Variants in OR10H1 observed in about 807,000 individuals in gnomAD.
OR10H1 encodes the protein olfactory receptor family 10 subfamily H member 1.
A neutral mutation model predicts 13.1 loss-of-function variants in OR10H1; 12 were observed. That is an observed-to-expected ratio of 0.92 (90% confidence interval 0.59 to 1.48). The LOEUF (loss-of-function observed/expected upper bound fraction) is 1.48. Among genes scored for constraint, OR10H1 ranks in the 40% most tolerant of loss-of-function variants. The probability of loss-of-function intolerance (pLI) is 0.00; values close to 1 mark genes in which losing one functional copy is unlikely to be tolerated. For synonymous variants in OR10H1, 168 were observed against 175.6 expected, an observed-to-expected ratio of 0.96 and a Z score of 0.34; for missense variants, 363 against 413.1, an observed-to-expected ratio of 0.88 and a Z score of 1.05.
chr19:15,810,021 G>A (rs2088924530), intron 2 of OR10H1, among the ~76,000 whole-genome samples: 1 of 152,122 alleles, frequency 6.6e-6, no homozygotes, highest in Non-Finnish European at 1.5e-5. Context: ...GTGACCAGGT[G>A]CAGTGGCTCA....
intron 2 of OR10H1, among the ~76,000 whole-genome samples, chr19:15,809,391 A>C (rs2088920884): frequency 6.6e-6 from 1 of 152,062 alleles, no homozygotes; most frequent in African/African-American, 2.4e-5. Flanking sequence ...CCTGGATTCA[A>C]GCAATCTTCC....
chr19:15,812,012 C>G (rs1279270418), intron 2 of OR10H1, among the ~76,000 whole-genome samples: 1 of 152,134 alleles, frequency 6.6e-6, no homozygotes, highest in Non-Finnish European at 1.5e-5. Flanking sequence ...TCCTACAGAC[C>G]AGGCACTGCA....
At position 15,805,747 on chromosome 19, in the gene OR10H1, C is replaced by G. The variant is rs1348615491; in HGVS notation, c.*1334G>C. 6.6e-6 allele frequency: 1 copy of G among 150,844 alleles called. No individual in the cohort carries two copies. The highest frequency in any genetic ancestry group is 2.4e-5 in the African/African-American group (1 of 41,040). 9.3% of individuals were successfully genotyped at this position (150,844 alleles called of 1,614,324 possible). On this transcript the variant is annotated 3_prime_UTR_variant, in exon 4 of 4. Coordinates refer to ENST00000641419, the MANE Select transcript of OR10H1 (RefSeq NM_013940.4). ...ACAGGCATGAGCCACTGCGCCTGGC[C>G]ATGAGATAAACTCATCCTGGGGTCT...
intron 1 of OR10H1, among the ~76,000 whole-genome samples, chr19:15,813,681 G>A (rs1447987190): frequency 6.7e-6 from 1 of 149,534 alleles, no homozygotes; most frequent in African/African-American, 2.5e-5. Context: ...GGTGGGGGGA[G>A]AGAGAGAGAG....
intron 1 of OR10H1, among the ~76,000 whole-genome samples, chr19:15,814,498 AGAGAGAGAGAGAGAG>A (rs1568455176): frequency 3.7e-5 from 3 of 81,862 alleles, no homozygotes; most frequent in African/African-American, 1.7e-4. Context: ...AGAGAGAGAG[AGAGAGAGAGAGAGAG>A]AGAGAGAGAG....
chr19:15,815,051 C>G (rs969509898), intron 1 of OR10H1, among the ~76,000 whole-genome samples: 1 of 152,116 alleles, frequency 6.6e-6, no homozygotes, highest in Non-Finnish European at 1.5e-5. Context: ...CTAAAGAAGG[C>G]AAGTCCTGGC....
In OR10H1 at chr19:15,806,316, C is replaced by G. The variant is rs1007198788; in HGVS notation, c.*765G>C. The G allele has an allele frequency of 1.3e-5, 2 of 152,142 alleles. No homozygotes were observed. Among genetic ancestry groups the G allele is most frequent in the Non-Finnish European group, 2.9e-5 (2 of 68,030 alleles). The allele number at this position is 152,142 out of a possible 1,614,324, so 9.4% of individuals were successfully genotyped here. A position where few individuals can be genotyped will look rare whatever the true frequency, so the allele number is the denominator to read the frequency against. Reference sequence around the variant, plus strand: ...CAAATACATCCCTGATGCTGATTAACCTTTGTGTTTATAATTGTATGTCGT... The same window carrying G: ...CAAATACATCCCTGATGCTGATTAAGCTTTGTGTTTATAATTGTATGTCGT... On this transcript the variant is annotated 3_prime_UTR_variant, in exon 4 of 4. Transcript: ENST00000641419.
Position 15,805,289 on chromosome 19 carries a change from G to A in OR10H1, c.*1792C>T, listed in dbSNP as rs1186163814. On this transcript the variant is annotated 3_prime_UTR_variant, in exon 4 of 4. Coordinates refer to ENST00000641419, the MANE Select transcript of OR10H1 (RefSeq NM_013940.4). ...GGATGTTTTGACTGTGGGTTGTTTT[G>A]ACTGCTTGAATGATGGAGAATTCAC... 1 of 151,948 alleles carries A rather than the reference G, an allele frequency of 6.6e-6. No individual in the cohort carries two copies. Among genetic ancestry groups the A allele is most frequent in the Non-Finnish European group, 1.5e-5 (1 of 68,002 alleles). 9.4% of individuals were successfully genotyped at this position (151,948 alleles called of 1,614,324 possible).
In OR10H1 at chr19:15,808,041, G is replaced by T; in HGVS notation, c.-4C>A. The T allele has an allele frequency of 6.2e-7, 1 of 1,605,094 alleles. No individual in the cohort carries two copies. Among genetic ancestry groups the T allele is most frequent in the South Asian group, 1.1e-5 (1 of 90,452 alleles). On this transcript the variant is annotated 5_prime_UTR_variant, in exon 4 of 4. Transcript: ENST00000641419. ...TGGAGTGATTGGCTCTCTGCATGGA[G>T]GCTGTGCCTGGGGTGAGATGTGACA...
At position 15,807,572 on chromosome 19, in the gene OR10H1, C is replaced by G; in HGVS notation, c.466G>C (p.Gly156Arg). The G allele has an allele frequency of 6.2e-7, 1 of 1,614,238 alleles. No homozygotes were observed. The highest frequency in any genetic ancestry group is 8.5e-7 in the Non-Finnish European group (1 of 1,180,038). ...GCSWAGGLVM[G>R]MVVTSAIFHL... Reference sequence around the variant, plus strand: ...AAAATGGCCGAGGTCACCACCATCCCCATGACCAAGCCACCAGCCCAGGAG... The same window carrying G: ...AAAATGGCCGAGGTCACCACCATCCGCATGACCAAGCCACCAGCCCAGGAG... Residue 156 changes from glycine (G) to arginine (R), a missense_variant, in exon 4 of 4, where the codon GGG becomes CGG. Around this residue, in one of 3 missense-constraint regions of OR10H1, gnomAD observed 318 missense variants for 366.6 expected, o/e 0.87. Transcript: ENST00000641419.
chr19:15,809,736 G>C (rs2088922339), intron 2 of OR10H1, among the ~76,000 whole-genome samples: 1 of 152,110 alleles, frequency 6.6e-6, no homozygotes, highest in South Asian at 2.1e-4. Context: ...GTAAATGAGT[G>C]ACTGTACATG....
At chr19:15,808,229 C>A in intron 3 of OR10H1, 181 bp from the exon 4 acceptor site, 1 of 599,658 alleles carries the variant, frequency 1.7e-6, no homozygotes, top group Non-Finnish European at 2.9e-6. Context: ...ATTTTTTCAA[C>A]CCCCTTTTGA....
In OR10H1 at chr19:15,812,239, G is replaced by C. The variant is rs945841012; in HGVS notation, c.-138C>G. The C allele has an allele frequency of 6.6e-6, 1 of 152,106 alleles. No homozygotes were observed. Among genetic ancestry groups the C allele is most frequent in the Non-Finnish European group, 1.5e-5 (1 of 68,102 alleles). The allele number at this position is 152,106 out of a possible 1,614,324, so 9.4% of individuals were successfully genotyped here. On this transcript the variant is annotated 5_prime_UTR_variant, in exon 2 of 4. Coordinates refer to ENST00000641419, the MANE Select transcript of OR10H1 (RefSeq NM_013940.4). Reference sequence around the variant, plus strand: ...CTCTTGTTATACTCACCAGTTGCTGGTGGCTGTTTCAAAGGCCACTAGGAG... The same window carrying C: ...CTCTTGTTATACTCACCAGTTGCTGCTGGCTGTTTCAAAGGCCACTAGGAG...
rs1261074427 is a variant in OR10H1 at position 15,805,851 on chromosome 19, C to T, written c.*1230G>A. The T allele has an allele frequency of 1.6e-5, 2 of 124,390 alleles. No homozygotes were observed. The highest frequency in any genetic ancestry group is 3.4e-5 in the Non-Finnish European group (2 of 58,368). 7.7% of individuals were successfully genotyped at this position (124,390 alleles called of 1,614,324 possible). On this transcript the variant is annotated 3_prime_UTR_variant, in exon 4 of 4. Transcript: ENST00000641419. The stretch of plus-strand genomic sequence containing the variant: ...CAACTTCTAACACAGCATTCGGTAT[C>T]TCACAGTGTGACTTTTTTCCTTGAT...
chr19:15,815,388 C>G (rs925707544), intron 1 of OR10H1, among the ~76,000 whole-genome samples, 167 bp downstream of exon 1: 18 of 150,788 alleles, frequency 1.2e-4, no homozygotes, highest in Non-Finnish European at 2.7e-4. Flanking sequence ...GCTAAGCAAA[C>G]AGCACACTGA....
intron 1 of OR10H1, among the ~76,000 whole-genome samples, chr19:15,813,617 CAGAG>C (rs370445499): frequency 1.7e-5 from 2 of 119,854 alleles, no homozygotes; most frequent in African/African-American, 6.6e-5. Context: ...AGAGCACACA[CAGAG>C]AGAGAGAGAG....
Position 15,807,925 on chromosome 19 carries a change from G to A in OR10H1, c.113C>T (p.Thr38Met), listed in dbSNP as rs1349572473. The A allele has an allele frequency of 2.5e-6, 4 of 1,614,124 alleles. No individual in the cohort carries two copies. Among genetic ancestry groups the A allele is most frequent in the Non-Finnish European group, 3.4e-6 (4 of 1,180,010 alleles). The change falls in exon 4 of 4, where the codon ACG (threonine) becomes ATG (methionine). Residue 38 changes from threonine to methionine, a missense_variant. Thr to Met is a moderately conservative substitution (Grantham distance 81). This residue lies in a region of OR10H1 where 318 missense variants were observed against 366.6 expected (regional missense o/e 0.87). Transcript: ENST00000641419. ...FLLFLLMYLF[T>M]LLGNLLIMAT... ...CATGATGAGCAGGTTGCCCAGCAGCGTGAACAGGTACATCAGCAGGAACAG... is the reference window on the plus strand; with the variant it reads ...CATGATGAGCAGGTTGCCCAGCAGCATGAACAGGTACATCAGCAGGAACAG...
Position 15,805,766 on chromosome 19 carries a change from G to T in OR10H1, c.*1315C>A, listed in dbSNP as rs1281269377. 6.6e-6 allele frequency: 1 copy of T among 152,100 alleles called. No individual in the cohort carries two copies. The highest frequency in any genetic ancestry group is 1.5e-5 in the Non-Finnish European group (1 of 68,094). 9.4% of individuals were successfully genotyped at this position (152,100 alleles called of 1,614,324 possible). The stretch of plus-strand genomic sequence containing the variant: ...CCTGGCCATGAGATAAACTCATCCT[G>T]GGGTCTACACTCAATGTCCAGATTC... On this transcript the variant is annotated 3_prime_UTR_variant, in exon 4 of 4. Coordinates refer to ENST00000641419, the MANE Select transcript of OR10H1 (RefSeq NM_013940.4).
chr19:15,814,782 G>C (rs973596305), intron 1 of OR10H1, among the ~76,000 whole-genome samples: 9 of 152,166 alleles, frequency 5.9e-5, no homozygotes, highest in African/African-American at 7.2e-5. Context: ...TGGGATTGCA[G>C]GCATGAGCCA....
Sources: allele counts gnomAD v4.1 joint callset (sites outside exome capture counted in the v4.1 genomes callset), GRCh38; gene constraint gnomAD v4.1.1; regional missense constraint gnomAD v4.1.1; transcripts MANE v1.5; gene names NCBI Gene and HGNC (gene_info 2026-07-23, HGNC 2026-07-21).